PTPRD: variants seen among roughly 807,000 people sequenced by gnomAD.
The protein encoded by PTPRD is receptor-type tyrosine-protein phosphatase delta.
In PTPRD, 34 loss-of-function variants were observed where a neutral mutation model predicts 214.5. The observed-to-expected ratio is 0.16, with a 90% CI of 0.12 to 0.21. The LOEUF (loss-of-function observed/expected upper bound fraction) is 0.21. PTPRD is among the 10% of genes least tolerant of loss of function. PTPRD has a pLI of 1.00. For missense variants in PTPRD, 2,545 were observed against 2,398.7 expected, an observed-to-expected ratio of 1.06 and a Z score of -1.27; for synonymous variants, 1,128 against 845.7, an observed-to-expected ratio of 1.33 and a Z score of -5.79.
intron 7 of PTPRD, among the ~76,000 whole-genome samples, chr9:9,672,098 T>C (rs1302038785): frequency 1.3e-5 from 2 of 152,148 alleles, no homozygotes; most frequent in East Asian, 1.9e-4. Flanking sequence ...CTAATCACTA[T>C]AGTAGGGGCA....
chr9:8,998,690 G>T (rs1216728160), intron 11 of PTPRD, among the ~76,000 whole-genome samples: 1 of 152,050 alleles, frequency 6.6e-6, no homozygotes, highest in Non-Finnish European at 1.5e-5. Flanking sequence ...TAAGGCTAGA[G>T]CTGCTATGGA....
intron 3 of PTPRD, among the ~76,000 whole-genome samples, chr9:10,209,368 A>C (rs2099503756): frequency 6.6e-6 from 1 of 152,192 alleles, no homozygotes; most frequent in Non-Finnish European, 1.5e-5. Context: ...TCTGATGACC[A>C]ATCAATCTCA....
intron 6 of PTPRD, among the ~76,000 whole-genome samples, chr9:9,762,790 T>G (rs2098670822): frequency 6.6e-6 from 1 of 152,248 alleles, no homozygotes; most frequent in African/African-American, 2.4e-5. Flanking sequence ...TTAGGTATTA[T>G]TCATAGCAGC....
intron 7 of PTPRD, among the ~76,000 whole-genome samples, chr9:9,660,014 C>G (rs1165045758): frequency 1.3e-5 from 2 of 151,934 alleles, no homozygotes; most frequent in African/African-American, 2.4e-5. Flanking sequence ...GTCACAAATA[C>G]CACTTAAAAC....
At chr9:9,703,696 T>C (rs1195827600) in intron 7 of PTPRD, among the ~76,000 whole-genome samples, 1 of 152,184 alleles carries the variant, frequency 6.6e-6, no homozygotes, top group Non-Finnish European at 1.5e-5. Flanking sequence ...AAAATCTATT[T>C]GTTAATAAGT....
chr9:9,093,746 G>T (rs1488955927), intron 10 of PTPRD, among the ~76,000 whole-genome samples: 2 of 151,600 alleles, frequency 1.3e-5, no homozygotes, highest in African/African-American at 2.4e-5. Flanking sequence ...AAAGGAAAAA[G>T]TTCTCAAGTT....
At chr9:8,768,662 C>CTGTTGTTAGATT (rs2094950521) in intron 11 of PTPRD, among the ~76,000 whole-genome samples, 2 of 152,184 alleles carry the variant, frequency 1.3e-5, no homozygotes, top group Admixed American at 1.3e-4. Context: ...TTAGACACTA[C>CTGTTGTTAGATT]AGAAGACTAC....
At chr9:10,602,875 C>G (rs2078332825) in intron 2 of PTPRD, among the ~76,000 whole-genome samples, 1 of 151,732 alleles carries the variant, frequency 6.6e-6, no homozygotes, top group East Asian at 1.9e-4. Flanking sequence ...ATTATAGTAA[C>G]TGGCAGATGG....
At chr9:9,325,777 CA>C (rs1969750893) in intron 9 of PTPRD, among the ~76,000 whole-genome samples, 1 of 152,136 alleles carries the variant, frequency 6.6e-6, no homozygotes, top group Non-Finnish European at 1.5e-5. Flanking sequence ...TGCCAGTTTT[CA>C]AAGGGAATGC....
chr9:10,029,722 G>A (rs758760021), intron 4 of PTPRD, among the ~76,000 whole-genome samples: 1 of 152,212 alleles, frequency 6.6e-6, no homozygotes, highest in Non-Finnish European at 1.5e-5. Flanking sequence ...GAAGGAACTT[G>A]CCTTGTCTCA....
At chr9:9,033,151 C>T (rs992081456) in intron 10 of PTPRD, among the ~76,000 whole-genome samples, 3 of 152,128 alleles carry the variant, frequency 2.0e-5, no homozygotes, top group African/African-American at 7.2e-5. Flanking sequence ...ATTTGGCTCA[C>T]TGGGTATAGT....
intron 8 of PTPRD, among the ~76,000 whole-genome samples, chr9:9,456,784 C>A (rs1305667907): frequency 6.6e-6 from 1 of 151,882 alleles, no homozygotes; most frequent in East Asian, 1.9e-4. Flanking sequence ...TAAATAACTT[C>A]TTAAAAGTCA....
chr9:9,331,010 T>C (rs1354734938), intron 9 of PTPRD, among the ~76,000 whole-genome samples: 1 of 151,840 alleles, frequency 6.6e-6, no homozygotes, highest in Non-Finnish European at 1.5e-5. Context: ...GGTCATTTGG[T>C]TGCATGGAAT....
At chr9:10,457,761 G>C (rs562323024) in intron 2 of PTPRD, among the ~76,000 whole-genome samples, 1 of 152,160 alleles carries the variant, frequency 6.6e-6, no homozygotes. Context: ...TCAGTCAATA[G>C]AAATGTTGTT....
intron 12 of PTPRD, among the ~76,000 whole-genome samples, chr9:8,659,656 T>A (rs1027712565): frequency 6.6e-6 from 1 of 152,166 alleles, no homozygotes; most frequent in Admixed American, 6.5e-5. Context: ...ACAGAAGTAA[T>A]TGATTGGGGC....
chr9:10,283,542 T>C (rs988139256), intron 3 of PTPRD, among the ~76,000 whole-genome samples: 1 of 152,214 alleles, frequency 6.6e-6, no homozygotes, highest in Non-Finnish European at 1.5e-5. Context: ...ATTATGTCTA[T>C]TGGTCTTGTG....
rs149449197 is a variant in PTPRD, at chr9:9,953,247, C to G, written c.-471-14637G>C. 4.9e-3 allele frequency among the ~76,000 whole-genome samples: 742 copies of G among 152,210 alleles called. 10 individuals carry two copies. The highest frequency in any genetic ancestry group is 0.017 in the African/African-American group (698 of 41,524). On this transcript the variant is annotated intron_variant, in intron 4 of 45. Transcript: ENST00000381196. ...AATCAGTAAAATTTGTGCACGCAGACTGCCCTCCACGATGTGGACAGGCCT... is the reference window on the plus strand; with the variant it reads ...AATCAGTAAAATTTGTGCACGCAGAGTGCCCTCCACGATGTGGACAGGCCT...
Position 8,316,256 on chromosome 9 carries a change from A to G in PTPRD, c.*1618T>C, listed in dbSNP as rs1386561852. The G allele has an allele frequency of 4.3e-6, 1 of 230,274 alleles. No individual in the cohort carries two copies. Among genetic ancestry groups the G allele is most frequent in the East Asian group, 6.2e-5 (1 of 16,216 alleles). The allele number at this position is 230,274 out of a possible 1,614,324, so 14.3% of individuals were successfully genotyped here. A position where few individuals can be genotyped will look rare whatever the true frequency, so the allele number is the denominator to read the frequency against. On this transcript the variant is annotated 3_prime_UTR_variant, in exon 46 of 46. Transcript: ENST00000381196. ...ACATGTGGTAAACAGATAATGCTTT[A>G]ATAGAAAGTAACAGATACGAACAGT...
intron 8 of PTPRD, among the ~76,000 whole-genome samples, chr9:9,567,611 A>T (rs572215714): frequency 3.9e-5 from 6 of 152,132 alleles, no homozygotes; most frequent in African/African-American, 1.4e-4. Context: ...TTCAAGAAGG[A>T]TGTAGTACAC....
Sources: allele counts gnomAD v4.1 joint callset (sites outside exome capture counted in the v4.1 genomes callset), GRCh38; gene constraint gnomAD v4.1.1; transcripts MANE v1.5; gene names NCBI Gene and HGNC (gene_info 2026-07-23, HGNC 2026-07-21).